The following PSD3 variants were observed in gnomAD, a reference collection of about 807,000 sequenced individuals.
The protein encoded by PSD3 is pleckstrin and Sec7 domain containing 3.
In PSD3, 49 loss-of-function variants were observed where a neutral mutation model predicts 105.5. The ratio of observed to expected loss-of-function variants is 0.46; its 90% CI spans 0.37 to 0.59. PSD3 has a LOEUF of 0.59. PSD3 is among the 20% of genes least tolerant of loss of function. The pLI is 0.00. For missense variants in PSD3, 1,561 were observed against 1,263.8 expected (o/e 1.24, Z -3.57); for synonymous variants, 557 against 457.8 (o/e 1.22, Z -2.77).
In PSD3 at chr8:18,632,742, G is replaced by C. The variant is rs1181723637; in HGVS notation, c.2281C>G (p.Pro761Ala). ...CTTCCAATACGACTGATGGTCTTTGGATGTGTTCCGTTAGCTTTCTCCTCA... is the reference window on the plus strand; with the variant it reads ...CTTCCAATACGACTGATGGTCTTTGCATGTGTTCCGTTAGCTTTCTCCTCA... ...STEEKANGTH[P>A]KTISRIGSTT... Residue 761 changes from proline to alanine, a missense_variant, in exon 11 of 16, where the codon CCA (proline) becomes GCA (alanine). Transcript: ENST00000327040. 6.2e-7 allele frequency: 1 copy of C among 1,607,300 alleles called. No individual in the cohort carries two copies. Among genetic ancestry groups the C allele is most frequent in the South Asian group, 1.1e-5 (1 of 90,868 alleles).
At chr8:18,826,462 A>C (rs143095963) in intron 4 of PSD3, among the ~76,000 whole-genome samples, 3 of 152,200 alleles carry the variant, frequency 2.0e-5, no homozygotes, top group Non-Finnish European at 4.4e-5. Context: ...AACTTACTAT[A>C]TGGCTCATCA....
chr8:18,691,039 A>C (rs184687824), intron 9 of PSD3, among the ~76,000 whole-genome samples: 1 of 152,198 alleles, frequency 6.6e-6, no homozygotes, highest in African/African-American at 2.4e-5. Flanking sequence ...TGTACAACCT[A>C]TGAGGACGCA....
Position 19,048,166 on chromosome 8 carries a change from C to T in PSD3, c.324+36040G>A, listed in dbSNP as rs149916002. On this transcript the variant is annotated intron_variant, in intron 1 of 1. Coordinates refer to the PSD3 transcript ENST00000521475. Reference sequence around the variant, plus strand: ...GGTGAGGCCAAGCTTCACGGCTGCCCTCTGGGGCTGAAATAAATCTGAATG... The same window carrying T: ...GGTGAGGCCAAGCTTCACGGCTGCCTTCTGGGGCTGAAATAAATCTGAATG... Among the ~76,000 whole-genome samples the T allele has an allele frequency of 9.1e-3, 1,383 of 152,272 alleles. 21 individuals are homozygous for T. Among genetic ancestry groups the T allele is most frequent in the African/African-American group, 0.03 (1,239 of 41,562 alleles).
At chr8:19,018,495 A>C (rs1489489086), upstream of PSD3, among the ~76,000 whole-genome samples, 1 of 152,208 alleles carries the variant, frequency 6.6e-6, no homozygotes, top group Non-Finnish European at 1.5e-5. Flanking sequence ...TTTTACTTCA[A>C]TAAAAGAAAA....
Position 18,575,293 on chromosome 8 carries a change from T to A in PSD3, c.2482-8A>T. ...TTCTGGCTTGTATTCATCCTATAGATGGACACAAAGAAAATAAAGGCAAAA... is the reference window on the plus strand; with the variant it reads ...TTCTGGCTTGTATTCATCCTATAGAAGGACACAAAGAAAATAAAGGCAAAA... On this transcript the variant is annotated splice_region_variant and splice_polypyrimidine_tract_variant and intron_variant, in intron 12 of 15. Coordinates refer to ENST00000327040, the MANE Select transcript of PSD3 (RefSeq NM_015310.4). 6.5e-7 allele frequency: 1 copy of A among 1,550,182 alleles called. No homozygotes were observed. Among genetic ancestry groups the A allele is most frequent in the Admixed American group, 2.0e-5 (1 of 50,010 alleles).
chr8:18,768,116 CAAAAAA>C (rs774203727), intron 8 of PSD3, among the ~76,000 whole-genome samples: 12 of 97,372 alleles, frequency 1.2e-4, no homozygotes, highest in South Asian at 8.0e-4. Flanking sequence ...ACTGAAAATA[CAAAAAA>C]AAAAAAAAAA....
chr8:19,064,534 G>A (rs528410271), intron 1 of PSD3, among the ~76,000 whole-genome samples: 2 of 152,166 alleles, frequency 1.3e-5, no homozygotes, highest in East Asian at 1.9e-4. Flanking sequence ...ACATTCCAAT[G>A]GCTTCTTTTC....
chr8:18,799,468 C>A, intron 7 of PSD3, 115 bp from the exon 8 acceptor site: 1 of 788,960 alleles, frequency 1.3e-6, no homozygotes. Flanking sequence ...GTGCTAGGTA[C>A]AATTAGTCCT....
intron 11 of PSD3, among the ~76,000 whole-genome samples, chr8:18,608,053 G>A (rs988000398): frequency 1.3e-5 from 2 of 152,062 alleles, no homozygotes; most frequent in South Asian, 2.1e-4. Context: ...GATTTGGGTG[G>A]GGACACAGCC....
At chr8:18,839,396 C>A (rs1464729046) in intron 4 of PSD3, among the ~76,000 whole-genome samples, 3 of 152,122 alleles carry the variant, frequency 2.0e-5, no homozygotes, top group African/African-American at 7.2e-5. Flanking sequence ...CCAAGTTTGC[C>A]TTGTAAAAGA....
intron 2 of PSD3, among the ~76,000 whole-genome samples, chr8:18,880,123 A>C (rs1818015964): frequency 1.3e-5 from 2 of 152,152 alleles, no homozygotes; most frequent in Admixed American, 6.5e-5. Context: ...TGTGTTGTTA[A>C]TCCTGACCTT....
At chr8:18,678,925 T>G (rs186459129) in intron 9 of PSD3, among the ~76,000 whole-genome samples, 148 of 133,882 alleles carry the variant, frequency 1.1e-3, no homozygotes, top group African/African-American at 3.6e-3. Context: ...TGAAAATGTA[T>G]ATATGCTTAA....
At chr8:18,879,409 G>A (rs1008412498) in intron 2 of PSD3, among the ~76,000 whole-genome samples, 3 of 152,096 alleles carry the variant, frequency 2.0e-5, no homozygotes, top group African/African-American at 4.8e-5. Flanking sequence ...TGGAACAGAC[G>A]GGGGGAGACA....
intron 1 of PSD3, among the ~76,000 whole-genome samples, chr8:18,986,500 G>A (rs780879097): frequency 4.0e-5 from 6 of 149,720 alleles, no homozygotes; most frequent in Non-Finnish European, 7.4e-5. Context: ...GGCTTTTTCT[G>A]CTTCACTACA....
chr8:19,070,847 T>C (rs1775277792), intron 1 of PSD3, among the ~76,000 whole-genome samples: 1 of 152,216 alleles, frequency 6.6e-6, no homozygotes, highest in African/African-American at 2.4e-5. Context: ...CAGGACATTG[T>C]ATCCAGATAA....
At chr8:19,032,819 C>G (rs1322840912) in intron 1 of PSD3, among the ~76,000 whole-genome samples, 1 of 152,040 alleles carries the variant, frequency 6.6e-6, no homozygotes, top group Non-Finnish European at 1.5e-5. Context: ...AATTACATCT[C>G]ACTTTTTGTG....
chr8:19,040,889 T>G (rs895623638), intron 1 of PSD3, among the ~76,000 whole-genome samples: 8 of 152,090 alleles, frequency 5.3e-5, no homozygotes, highest in Admixed American at 3.3e-4. Flanking sequence ...TCCCATTTTA[T>G]TTTTATTTTA....
chr8:18,834,864 A>C (rs1353389935), intron 4 of PSD3, among the ~76,000 whole-genome samples: 7 of 152,212 alleles, frequency 4.6e-5, no homozygotes. Context: ...ATCCAATACA[A>C]TTAATTCAAG....
At chr8:18,592,071 C>T (rs1402869944) in intron 12 of PSD3, among the ~76,000 whole-genome samples, 2 of 151,926 alleles carry the variant, frequency 1.3e-5, no homozygotes, top group East Asian at 3.9e-4. Context: ...AATGAATTTC[C>T]AGAAATTGAC....
Sources: allele counts gnomAD v4.1 joint callset (sites outside exome capture counted in the v4.1 genomes callset), GRCh38; gene constraint gnomAD v4.1.1; transcripts MANE v1.5; gene names NCBI Gene and HGNC (gene_info 2026-07-23, HGNC 2026-07-21).